The following OCA2 variants were observed in gnomAD, a reference collection of about 807,000 sequenced individuals.
OCA2 encodes the protein OCA2 melanosomal transmembrane protein, also known as P protein.
A neutral mutation model predicts 100.2 loss-of-function variants in OCA2; 77 were observed. That is an observed-to-expected ratio of 0.77 (90% CI 0.64 to 0.93). The LOEUF (loss-of-function observed/expected upper bound fraction) is 0.93. Among genes scored for constraint, OCA2 ranks in the 40% least tolerant of loss-of-function variants. The probability of loss-of-function intolerance (pLI) is 0.00; values close to 1 mark genes in which losing one functional copy is unlikely to be tolerated. For missense variants in OCA2, 1,062 were observed against 1,089.1 expected (o/e 0.98, Z 0.35); for synonymous variants, 432 against 439.2 (o/e 0.98, Z 0.21).
intron 18 of OCA2, among the ~76,000 whole-genome samples, chr15:27,951,534 G>A (rs2040026622): frequency 6.6e-6 from 1 of 152,126 alleles, no homozygotes; most frequent in South Asian, 2.1e-4. Flanking sequence ...ATCCCTGGAG[G>A]GGCTGAGGAC....
chr15:28,026,099 G>A (rs1209454848), intron 4 of OCA2, among the ~76,000 whole-genome samples: 3 of 152,202 alleles, frequency 2.0e-5, no homozygotes, highest in Admixed American at 2.0e-4. Context: ...ATCTGCAGCA[G>A]AGCTGACAAC....
chr15:27,861,211 G>A lies in OCA2; in HGVS notation c.2245-9736C>T, dbSNP rs74005266. ...GGGTGTTAGAGAAGGTGAGGTGTTAGCTGGCTCTCAGCCTCAGGGGCTTGA... is the reference window on the plus strand; with the variant it reads ...GGGTGTTAGAGAAGGTGAGGTGTTAACTGGCTCTCAGCCTCAGGGGCTTGA... On this transcript the variant is annotated intron_variant, in intron 21 of 23. Transcript: ENST00000354638. Among the ~76,000 whole-genome samples the A allele has an allele frequency of 2.6e-3, 395 of 152,304 alleles. 4 individuals are homozygous for A. Among genetic ancestry groups the A allele is most frequent in the African/African-American group, 9.4e-3 (390 of 41,578 alleles).
chr15:27,730,531 C>T, the OCA2 span, among the ~76,000 whole-genome samples: 1 of 151,956 alleles, frequency 6.6e-6, no homozygotes, highest in Non-Finnish European at 1.5e-5. Flanking sequence ...CCCACCCCTC[C>T]CCATTCCCAA....
chr15:28,083,511 G>A (rs2044716448), intron 1 of OCA2, among the ~76,000 whole-genome samples: 1 of 152,152 alleles, frequency 6.6e-6, no homozygotes, highest in East Asian at 1.9e-4. Flanking sequence ...TTAGACAGTG[G>A]CTCCACTACC....
chr15:28,089,929 C>A (rs1478344434), intron 1 of OCA2, among the ~76,000 whole-genome samples: 1 of 152,000 alleles, frequency 6.6e-6, no homozygotes, highest in Non-Finnish European at 1.5e-5. Context: ...GCACATGTAG[C>A]CCCAAATCTA....
At chr15:27,806,230 C>A (rs1207250218) in intron 23 of OCA2, among the ~76,000 whole-genome samples, 4 of 152,176 alleles carry the variant, frequency 2.6e-5, no homozygotes, top group Non-Finnish European at 5.9e-5. Context: ...AAGTTGTGTA[C>A]AATCCTAGGC....
rs1034955966 is a variant in OCA2, at chr15:27,957,223, T to C, written c.1784+365A>G. Among the ~76,000 whole-genome samples the C allele has an allele frequency of 6.6e-6, 1 of 152,214 alleles. No homozygotes were observed. The highest frequency in any genetic ancestry group is 2.4e-5 in the African/African-American group (1 of 41,466). On this transcript the variant is annotated intron_variant, in intron 16 of 23. Coordinates refer to ENST00000354638, the MANE Select transcript of OCA2 (RefSeq NM_000275.3). The surrounding 1 kb of genome is among the most constrained non-coding windows in gnomAD (Gnocchi z 4.3). Reference sequence around the variant, plus strand: ...CTGGCAGAATATTTTGTCAAATTAGTCTTTGCATTAATGGTTTTTGGTTTT... The same window carrying C: ...CTGGCAGAATATTTTGTCAAATTAGCCTTTGCATTAATGGTTTTTGGTTTT...
chr15:28,042,656 TAATAAATA>T (rs764760430), intron 2 of OCA2, among the ~76,000 whole-genome samples: 6 of 76,346 alleles, frequency 7.9e-5, no homozygotes, highest in African/African-American at 1.6e-4. Context: ...AATAAATAAA[TAATAAATA>T]AATAAATAAA....
chr15:27,803,805 C>T (rs1445363767), intron 23 of OCA2, among the ~76,000 whole-genome samples: 1 of 152,020 alleles, frequency 6.6e-6, no homozygotes, highest in Non-Finnish European at 1.5e-5. Context: ...ATAATGAGTA[C>T]AACAAATAAG....
chr15:28,059,916 C>T (rs2043819513), intron 2 of OCA2, among the ~76,000 whole-genome samples: 1 of 152,208 alleles, frequency 6.6e-6, no homozygotes, highest in African/African-American at 2.4e-5. Flanking sequence ...TTTATGTACA[C>T]ATTCATTCAA....
chr15:27,832,982 T>A (rs566401361), intron 23 of OCA2, among the ~76,000 whole-genome samples: 10,807 of 151,868 alleles, frequency 0.071, 517 homozygotes, highest in African/African-American at 0.14. Flanking sequence ...CCCAGCTGAT[T>A]TTTTTGTATT....
the OCA2 span, among the ~76,000 whole-genome samples, chr15:27,739,983 C>T: frequency 3.9e-4 from 60 of 152,312 alleles, no homozygotes; most frequent in African/African-American, 1.3e-3. Flanking sequence ...CCATTTCCCT[C>T]AGCACACTAC....
rs10152187 is a variant in OCA2 at position 28,052,926 on chromosome 15, C to T, written c.228-20763G>A. On this transcript the variant is annotated intron_variant, in intron 2 of 23. Transcript: ENST00000354638. Reference sequence around the variant, plus strand: ...CGTAAGACTCTGTGAGCAAGTATAACGCAAGGTGAAGACCGTAGAAGCAGA... The same window carrying T: ...CGTAAGACTCTGTGAGCAAGTATAATGCAAGGTGAAGACCGTAGAAGCAGA... 5.0e-3 allele frequency among the ~76,000 whole-genome samples: 762 copies of T among 152,222 alleles called. 6 individuals are homozygous for T. Among genetic ancestry groups the T allele is most frequent in the African/African-American group, 0.017 (724 of 41,542 alleles).
At chr15:27,817,660 C>T (rs961104060) in intron 23 of OCA2, among the ~76,000 whole-genome samples, 4 of 152,058 alleles carry the variant, frequency 2.6e-5, no homozygotes, top group South Asian at 2.1e-4. Flanking sequence ...GATGGATTTG[C>T]GGGTCTCCTC....
At chr15:27,752,811 CCCCCCA>C (rs2030115918), downstream of OCA2, among the ~76,000 whole-genome samples, 1 of 129,856 alleles carries the variant, frequency 7.7e-6, no homozygotes, top group South Asian at 3.5e-4. Context: ...CCCCCCCCCC[CCCCCCA>C]GAGGCCCACA....
At chr15:27,820,988 G>A (rs532385779) in intron 23 of OCA2, among the ~76,000 whole-genome samples, 15 of 152,156 alleles carry the variant, frequency 9.9e-5, no homozygotes, top group African/African-American at 3.6e-4. Context: ...TGTTCTCCTT[G>A]GAGGGAGGTG....
intron 12 of OCA2, among the ~76,000 whole-genome samples, chr15:27,985,786 G>A (rs1404605057): frequency 3.3e-5 from 5 of 151,318 alleles, no homozygotes; most frequent in African/African-American, 9.7e-5. Context: ...TCCACGCCTG[G>A]GGTTCAAGCA....
At chr15:27,945,542 G>C (rs1595695708) in intron 18 of OCA2, among the ~76,000 whole-genome samples, 1 of 152,172 alleles carries the variant, frequency 6.6e-6, no homozygotes, top group Admixed American at 6.5e-5. Context: ...CTGCCCCCAA[G>C]AGGCCCCAGT....
At chr15:28,079,184 T>C (rs925029790) in intron 2 of OCA2, among the ~76,000 whole-genome samples, 1 of 152,196 alleles carries the variant, frequency 6.6e-6, no homozygotes, top group African/African-American at 2.4e-5. Context: ...ACTGAACCCA[T>C]AATAGATGAG....
Sources: allele counts gnomAD v4.1 joint callset (sites outside exome capture counted in the v4.1 genomes callset), GRCh38; gene constraint gnomAD v4.1.1; non-coding constraint Gnocchi (gnomAD v3.1); transcripts MANE v1.5; gene names NCBI Gene and HGNC (gene_info 2026-07-23, HGNC 2026-07-21).